APBB1IP: variants seen among roughly 807,000 people sequenced by gnomAD.
APBB1IP encodes amyloid beta precursor protein binding family B member 1 interacting protein, also known as amyloid beta A4 precursor protein-binding family B member 1-interacting protein.
Under a neutral mutation model 64.9 loss-of-function variants are expected in APBB1IP, and 27 were observed. The ratio of observed to expected loss-of-function variants is 0.42; its 90% CI spans 0.31 to 0.57. APBB1IP has a LOEUF of 0.57. APBB1IP is among the 20% of genes least tolerant of loss of function. APBB1IP has a pLI of 0.20. For missense variants in APBB1IP, 812 were observed against 845.5 expected, an observed-to-expected ratio of 0.96 and a Z score of 0.49; for synonymous variants, 392 against 331.0, an observed-to-expected ratio of 1.18 and a Z score of -2.00.
intron 11 of APBB1IP, among the ~76,000 whole-genome samples, chr10:26,550,309 A>G (rs1420401855): frequency 1.3e-5 from 2 of 151,906 alleles, no homozygotes; most frequent in Non-Finnish European, 2.9e-5. Context: ...CTGATTTGGA[A>G]GCTTTTCTAT....
At chr10:26,546,989 G>C (rs1390470642) in intron 11 of APBB1IP, among the ~76,000 whole-genome samples, 1 of 152,120 alleles carries the variant, frequency 6.6e-6, no homozygotes, top group Admixed American at 6.5e-5. Context: ...TTCTGTAATG[G>C]CTAGACTAAT....
intron 11 of APBB1IP, among the ~76,000 whole-genome samples, chr10:26,559,622 CTTTTT>C (rs368290752): frequency 1.5e-5 from 2 of 135,192 alleles, no homozygotes; most frequent in African/African-American, 2.7e-5. Flanking sequence ...TTCTTTCTTT[CTTTTT>C]TTTTTTTTTT....
rs554556005 is a variant in APBB1IP at position 26,556,337 on chromosome 10, G to A, written c.1156-3768G>A. Among the ~76,000 whole-genome samples the A allele has an allele frequency of 5.3e-5, 8 of 152,326 alleles. No individual in the cohort carries two copies. In the South Asian group the frequency reaches 1.2e-3, roughly 24 times the overall value. ...CTCTATAATGTCTGCAAGGCTGAAC[G>A]ATTTCTGCATCACCAAGGGAGCCAG... On this transcript the variant is annotated intron_variant, in intron 11 of 14. Coordinates refer to ENST00000376236, the MANE Select transcript of APBB1IP (RefSeq NM_019043.4).
At chr10:26,530,559 G>A (rs955659396) in intron 8 of APBB1IP, among the ~76,000 whole-genome samples, 5 of 151,892 alleles carry the variant, frequency 3.3e-5, no homozygotes, top group African/African-American at 1.2e-4. Context: ...GCGTGGTAGT[G>A]CGTGCCTGTA....
chr10:26,522,116 A>C (rs1836409576), intron 8 of APBB1IP, among the ~76,000 whole-genome samples: 1 of 152,240 alleles, frequency 6.6e-6, no homozygotes, highest in Non-Finnish European at 1.5e-5. Context: ...AGTTTAAAAA[A>C]ACTATTCAAC....
chr10:26,512,792 G>A (rs7096662), intron 7 of APBB1IP, among the ~76,000 whole-genome samples: 20,388 of 152,084 alleles, frequency 0.13, 2,212 homozygotes, highest in African/African-American at 0.3. Flanking sequence ...TGGGACAGTC[G>A]TCTCTCAGGA....
intron 11 of APBB1IP, among the ~76,000 whole-genome samples, chr10:26,545,483 G>C (rs1218134760): frequency 6.6e-6 from 1 of 152,070 alleles, no homozygotes; most frequent in Non-Finnish European, 1.5e-5. Flanking sequence ...AAATTAGGCC[G>C]GGCGCGGTGG....
chr10:26,560,670 T>A (rs1431796201), intron 12 of APBB1IP, 60 bp from the exon 13 acceptor site: 4 of 1,208,634 alleles, frequency 3.3e-6, no homozygotes, highest in Non-Finnish European at 4.7e-6. Context: ...ATATTGCAAT[T>A]GAGTGCAGAA....
intron 2 of APBB1IP, among the ~76,000 whole-genome samples, chr10:26,473,956 C>G (rs890688611): frequency 6.8e-6 from 1 of 146,622 alleles, no homozygotes; most frequent in African/African-American, 2.6e-5. Context: ...GAGCCGAGAT[C>G]GCACCACTGC....
intron 4 of APBB1IP, among the ~76,000 whole-genome samples, chr10:26,500,108 G>A (rs1836077829): frequency 6.6e-6 from 1 of 151,874 alleles, no homozygotes; most frequent in African/African-American, 2.4e-5. Flanking sequence ...CTGCTTGGGA[G>A]GCTGAGTTGG....
chr10:26,471,294 A>G (rs1835712544), intron 2 of APBB1IP, among the ~76,000 whole-genome samples: 1 of 152,148 alleles, frequency 6.6e-6, no homozygotes, highest in Admixed American at 6.5e-5. Context: ...AGAGACCCCC[A>G]CACTGCACAC....
Position 26,503,211 on chromosome 10 carries a change from C to T in APBB1IP, c.468C>T (p.Ala156=). The T allele has an allele frequency of 1.2e-6, 2 of 1,613,928 alleles. No individual in the cohort carries two copies. The highest frequency in any genetic ancestry group is 1.7e-4 in the Middle Eastern group (1 of 6,060). Residue 156 remains alanine (A), a synonymous_variant, in exon 6 of 15, where the codon GCC becomes GCT. Coordinates refer to ENST00000376236, the MANE Select transcript of APBB1IP (RefSeq NM_019043.4). ...PEPLSQEEEE[A]QAKADKIKLA... ...CCCTTTTCCAGGAAGAGGAAGAAGC[C>T]CAAGCCAAGGCTGATAAAATTAAGC...
At chr10:26,516,721 C>T (rs1836335982) in intron 8 of APBB1IP, among the ~76,000 whole-genome samples, 1 of 151,888 alleles carries the variant, frequency 6.6e-6, no homozygotes, top group South Asian at 2.1e-4. Flanking sequence ...GAGTTGCTCC[C>T]TGTGGAGATA....
At chr10:26,560,624 G>C (rs980401605) in intron 12 of APBB1IP, 106 bp from the exon 13 acceptor site, 2 of 721,340 alleles carry the variant, frequency 2.8e-6, no homozygotes, top group East Asian at 5.3e-5. Flanking sequence ...GTGGTGAACA[G>C]AGTAGCCGTG....
At chr10:26,484,805 C>G (rs186345135) in intron 2 of APBB1IP, among the ~76,000 whole-genome samples, 85 of 151,066 alleles carry the variant, frequency 5.6e-4, no homozygotes, top group African/African-American at 1.9e-3. Context: ...CAGTTTCTAG[C>G]ATGAAATTGT....
chr10:26,455,816 A>T (rs912873528), intron 2 of APBB1IP, among the ~76,000 whole-genome samples: 2 of 152,230 alleles, frequency 1.3e-5, no homozygotes, highest in Non-Finnish European at 2.9e-5. Flanking sequence ...TGCCAAGAGA[A>T]ATCGAAACAT....
chr10:26,566,438 G>A (rs1392354881), intron 14 of APBB1IP, among the ~76,000 whole-genome samples: 2 of 152,224 alleles, frequency 1.3e-5, no homozygotes, highest in East Asian at 1.9e-4. Context: ...TATTTTTAAA[G>A]GAGAAAAGGT....
At chr10:26,500,575 C>T (rs1253679270) in intron 4 of APBB1IP, among the ~76,000 whole-genome samples, 2 of 152,204 alleles carry the variant, frequency 1.3e-5, no homozygotes, top group East Asian at 1.9e-4. Context: ...AACACATTTC[C>T]CCCAATATTT....
intron 2 of APBB1IP, among the ~76,000 whole-genome samples, chr10:26,488,485 G>A (rs1373217334): frequency 1.3e-5 from 2 of 151,954 alleles, no homozygotes; most frequent in African/African-American, 4.8e-5. Context: ...CTCTCCCCTC[G>A]GCCTCCCAAA....
Sources: allele counts gnomAD v4.1 joint callset (sites outside exome capture counted in the v4.1 genomes callset), GRCh38; gene constraint gnomAD v4.1.1; transcripts MANE v1.5; gene names NCBI Gene and HGNC (gene_info 2026-07-23, HGNC 2026-07-21).